The following GPC6 variants were observed in gnomAD, a reference collection of about 807,000 sequenced individuals.
The protein encoded by GPC6 is glypican-6.
In GPC6, 14 loss-of-function variants were observed where a neutral mutation model predicts 55.2. That is an observed-to-expected ratio of 0.25 (90% CI 0.17 to 0.40). GPC6 has a LOEUF of 0.40. GPC6 is among the 10% of genes least tolerant of loss of function. The probability of loss-of-function intolerance (pLI) is 1.00; values close to 1 mark genes in which losing one functional copy is unlikely to be tolerated. For missense variants in GPC6, 641 were observed against 708.5 expected (o/e 0.90, Z 1.08); for synonymous variants, 278 against 259.6 (o/e 1.07, Z -0.68).
At chr13:94,164,739 C>T (rs1173292355) in intron 4 of GPC6, among the ~76,000 whole-genome samples, 1 of 152,072 alleles carries the variant, frequency 6.6e-6, no homozygotes, top group African/African-American at 2.4e-5. Flanking sequence ...ACTATTATCT[C>T]TCACTCTGCT....
intron 4 of GPC6, among the ~76,000 whole-genome samples, chr13:94,058,515 A>G (rs1884209974): frequency 6.6e-6 from 1 of 152,204 alleles, no homozygotes; most frequent in Admixed American, 6.6e-5. Context: ...TATTAAGACA[A>G]GTCCCACACC....
intron 4 of GPC6, among the ~76,000 whole-genome samples, chr13:94,056,832 T>A (rs1884149763): frequency 6.6e-6 from 1 of 152,224 alleles, no homozygotes; most frequent in South Asian, 2.1e-4. Flanking sequence ...TCAGCAATTC[T>A]TTTCACTTTC....
At chr13:94,197,199 C>G (rs1167638951) in intron 4 of GPC6, among the ~76,000 whole-genome samples, 1 of 152,084 alleles carries the variant, frequency 6.6e-6, no homozygotes, top group Admixed American at 6.6e-5. Context: ...CTGAGAAACT[C>G]TACAGTATTG....
intron 8 of GPC6, among the ~76,000 whole-genome samples, chr13:94,402,019 A>G (rs1321144672): frequency 2.6e-5 from 4 of 152,184 alleles, no homozygotes; most frequent in African/African-American, 9.7e-5. Flanking sequence ...ATGTAAATAA[A>G]CCATTTTGGA....
At chr13:93,995,787 T>G (rs1421239311) in intron 3 of GPC6, among the ~76,000 whole-genome samples, 1 of 152,190 alleles carries the variant, frequency 6.6e-6, no homozygotes, top group Non-Finnish European at 1.5e-5. Context: ...AAAAATTACC[T>G]TGACAATAGC....
At position 93,249,096 on chromosome 13, in the gene GPC6, A is replaced by G. The variant is rs183578223; in HGVS notation, c.160+21480A>G. ...CTGGCATGTTAGATTTGAAAAACTGAAACAAATTTCAGATAAATAGAAAGT... is the reference window on the plus strand; with the variant it reads ...CTGGCATGTTAGATTTGAAAAACTGGAACAAATTTCAGATAAATAGAAAGT... On this transcript the variant is annotated intron_variant, in intron 1 of 8. Coordinates refer to ENST00000377047, the MANE Select transcript of GPC6 (RefSeq NM_005708.5). Among the ~76,000 whole-genome samples the G allele has an allele frequency of 1.4e-4, 21 of 152,290 alleles. 1 individual carries two copies. Among genetic ancestry groups the G allele is most frequent in the Admixed American group, 1.2e-3 (18 of 15,306 alleles).
intron 1 of GPC6, among the ~76,000 whole-genome samples, chr13:93,361,005 T>C (rs1285678301): frequency 6.6e-6 from 1 of 152,156 alleles, no homozygotes; most frequent in African/African-American, 2.4e-5. Flanking sequence ...CTCGCTTTTT[T>C]TGTTTTTCAA....
chr13:94,129,801 T>C (rs1003086084), intron 4 of GPC6, among the ~76,000 whole-genome samples: 16 of 152,094 alleles, frequency 1.1e-4, no homozygotes, highest in African/African-American at 3.9e-4. Flanking sequence ...TAGCCCACTA[T>C]GAAACTGAAA....
chr13:93,249,908 C>T (rs180919417), intron 1 of GPC6, among the ~76,000 whole-genome samples: 40 of 152,324 alleles, frequency 2.6e-4, no homozygotes, highest in African/African-American at 9.6e-4. Context: ...TCTTCTTGCT[C>T]ATATAACCTG....
intron 3 of GPC6, among the ~76,000 whole-genome samples, chr13:93,834,995 A>G (rs1044284129): frequency 6.6e-6 from 1 of 152,222 alleles, no homozygotes; most frequent in Non-Finnish European, 1.5e-5. Flanking sequence ...CGTCACTCTG[A>G]AGGCTTGTCA....
rs183000315 is a variant in GPC6, at chr13:93,497,613, T to C, written c.161-47650T>C. On this transcript the variant is annotated intron_variant, in intron 1 of 8. Transcript: ENST00000377047. ...GAAAATGAAGGCTAAAAAGAAACTT[T>C]TATGTGAAAGAACACAATGTTGATA... 4.2e-3 allele frequency among the ~76,000 whole-genome samples: 644 copies of C among 152,322 alleles called. 2 individuals carry two copies. Among genetic ancestry groups the C allele is most frequent in the African/African-American group, 0.014 (595 of 41,574 alleles).
chr13:93,754,338 T>A (rs1884698388), intron 2 of GPC6, among the ~76,000 whole-genome samples: 1 of 152,196 alleles, frequency 6.6e-6, no homozygotes, highest in African/African-American at 2.4e-5. Flanking sequence ...AGCCATTTTT[T>A]ATTCTCTTTT....
intron 6 of GPC6, among the ~76,000 whole-genome samples, chr13:94,316,586 G>C: frequency 6.6e-6 from 1 of 150,782 alleles, no homozygotes; most frequent in Non-Finnish European, 1.5e-5. Flanking sequence ...GCGTAGTGGC[G>C]GGCGCCTGTA....
At chr13:94,352,050 T>G (rs890301332) in intron 6 of GPC6, among the ~76,000 whole-genome samples, 1 of 152,016 alleles carries the variant, frequency 6.6e-6, no homozygotes, top group African/African-American at 2.4e-5. Flanking sequence ...AAATGCTTTT[T>G]CACATGTTCT....
chr13:93,419,298 T>C (rs1223199380), intron 1 of GPC6, among the ~76,000 whole-genome samples: 2 of 151,894 alleles, frequency 1.3e-5, no homozygotes, highest in Non-Finnish European at 2.9e-5. Flanking sequence ...ATGGATTCAC[T>C]TGTAAATAAC....
At chr13:94,289,907 T>C (rs1874863786) in intron 5 of GPC6, among the ~76,000 whole-genome samples, 1 of 152,192 alleles carries the variant, frequency 6.6e-6, no homozygotes, top group South Asian at 2.1e-4. Flanking sequence ...AGTTCTCAAG[T>C]TGGGGTTCAT....
At chr13:94,332,680 C>T (rs1030499871) in intron 6 of GPC6, among the ~76,000 whole-genome samples, 5 of 152,098 alleles carry the variant, frequency 3.3e-5, no homozygotes, top group South Asian at 2.1e-4. Flanking sequence ...GCCGTTGTGT[C>T]GAATTGTTGC....
chr13:93,906,266 A>G (rs1385345192), intron 3 of GPC6, among the ~76,000 whole-genome samples: 1 of 152,058 alleles, frequency 6.6e-6, no homozygotes, highest in Non-Finnish European at 1.5e-5. Context: ...ATAGCTCTAG[A>G]TTTTGCATCT....
At chr13:94,085,850 A>G (rs529024165) in intron 4 of GPC6, among the ~76,000 whole-genome samples, 40 of 152,282 alleles carry the variant, frequency 2.6e-4, no homozygotes, top group African/African-American at 9.4e-4. Flanking sequence ...TATAATGGAA[A>G]TATTTATGTA....
Sources: gnomAD v4.1 joint callset for allele counts (sites outside exome capture counted in the v4.1 genomes callset) on GRCh38, gnomAD v4.1.1 for gene constraint, MANE v1.5 for transcripts, NCBI Gene and HGNC (gene_info 2026-07-23, HGNC 2026-07-21) for gene names.